Variants in IQCH observed in about 807,000 individuals in gnomAD.
The protein encoded by IQCH is IQ domain-containing protein H.
A neutral mutation model predicts 117.0 loss-of-function variants in IQCH; 98 were observed. The observed-to-expected ratio is 0.84, with a 90% CI of 0.71 to 0.99. The LOEUF (loss-of-function observed/expected upper bound fraction) is 0.99, where lower values mean the gene tolerates loss of function less well. IQCH is among the 50% of genes least tolerant of loss of function. The pLI, the probability that IQCH is intolerant of heterozygous loss-of-function variation, is 0.00. For synonymous variants in IQCH, 412 were observed against 448.2 expected, an observed-to-expected ratio of 0.92 and a Z score of 1.02; for missense variants, 1,102 against 1,243.8, an observed-to-expected ratio of 0.89 and a Z score of 1.72.
At chr15:67,312,691 A>G (rs1596157553) in intron 4 of IQCH, among the ~76,000 whole-genome samples, 2 of 152,280 alleles carry the variant, frequency 1.3e-5, no homozygotes, top group East Asian at 1.9e-4. Flanking sequence ...CGAAAGTGGT[A>G]ATGCTTGCAA....
At chr15:67,323,743 T>C (rs1968257347) in intron 4 of IQCH, among the ~76,000 whole-genome samples, 1 of 152,096 alleles carries the variant, frequency 6.6e-6, no homozygotes, top group African/African-American at 2.4e-5. Context: ...CTCCCAATTT[T>C]TTGTGCTATC....
intron 3 of IQCH, among the ~76,000 whole-genome samples, chr15:67,266,368 C>A (rs1275341426): frequency 6.6e-6 from 1 of 152,016 alleles, no homozygotes; most frequent in Non-Finnish European, 1.5e-5. Context: ...CTCAAGACAT[C>A]ATACTCCGCT....
At position 67,475,413 on chromosome 15, in the gene IQCH, G is replaced by A. The variant is rs2083179448; in HGVS notation, c.2677-283G>A. ...GGATCACTTAAGCCCAGGAGGCAGA[G>A]GTTGCAGTGAGCCCAGATTGTGCCA... On this transcript the variant is annotated intron_variant, in intron 17 of 20. Coordinates refer to ENST00000335894, the MANE Select transcript of IQCH (RefSeq NM_001031715.3). This position sits in a 1 kb window ranked among gnomAD's most constrained non-coding sequence, Gnocchi z 5.7. Among the ~76,000 whole-genome samples the A allele has an allele frequency of 6.6e-6, 1 of 152,198 alleles. No homozygotes were observed.
At chr15:67,400,608 C>A (rs1039358736) in intron 14 of IQCH, among the ~76,000 whole-genome samples, 1 of 150,358 alleles carries the variant, frequency 6.7e-6, no homozygotes, top group African/African-American at 2.5e-5. Flanking sequence ...CCTCAGCCTT[C>A]TGAGTAGTGG....
rs773286464 is a variant in IQCH at position 67,465,324 on chromosome 15, T to G, written c.2676+27T>G. 1.9e-6 allele frequency: 3 copies of G among 1,604,972 alleles called. No individual in the cohort carries two copies. The highest frequency in any genetic ancestry group is 2.5e-6 in the Non-Finnish European group (3 of 1,178,766). On this transcript the variant is annotated intron_variant, in intron 17 of 20. Transcript: ENST00000335894. The surrounding 1 kb of genome is among the most constrained non-coding windows in gnomAD (Gnocchi z 5.9). ...TAAGCAAGAGGTGCTTCCTGAAGGT[T>G]CTCGGTGTTCAGCAACACCCACTGC...
chr15:67,421,825 A>G (rs8039739), intron 16 of IQCH, among the ~76,000 whole-genome samples: 151,153 of 152,352 alleles, frequency 0.99, 74,990 homozygotes, highest in Middle Eastern at 1. Context: ...GAGGCCAGGC[A>G]CAGTGGCTTA....
intron 4 of IQCH, among the ~76,000 whole-genome samples, chr15:67,306,019 C>A (rs1005383916): frequency 1.3e-5 from 2 of 151,974 alleles, no homozygotes; most frequent in East Asian, 3.9e-4. Flanking sequence ...AAACTTGATG[C>A]CATAAAAATC....
intron 10 of IQCH, among the ~76,000 whole-genome samples, chr15:67,382,426 G>A (rs1001770854): frequency 1.3e-5 from 2 of 152,134 alleles, no homozygotes; most frequent in African/African-American, 4.8e-5. Flanking sequence ...AATTCCATTA[G>A]CAACTTTATT....
At chr15:67,273,323 G>A (rs1965982958) in intron 3 of IQCH, among the ~76,000 whole-genome samples, 2 of 152,126 alleles carry the variant, frequency 1.3e-5, no homozygotes, top group African/African-American at 2.4e-5. Context: ...GCCTGCCTCA[G>A]CCTCCCAAAG....
chr15:67,462,022 G>A (rs1285382852), intron 16 of IQCH, among the ~76,000 whole-genome samples: 1 of 151,934 alleles, frequency 6.6e-6, no homozygotes, highest in Non-Finnish European at 1.5e-5. Context: ...TAGAGTTGGG[G>A]TCTCGTTATG....
rs373090891 is a variant in IQCH at position 67,309,820 on chromosome 15, CT to C, written c.388-27154del. On this transcript the variant is annotated intron_variant, in intron 4 of 20. Transcript: ENST00000335894. ...GAGTAGATCAAAGTTTGGGTCCTAT[CT>C]GCTATTTTGCAGTTACTGAACCCTA... 6.8e-4 allele frequency among the ~76,000 whole-genome samples: 103 copies of C among 151,342 alleles called. 4 individuals are homozygous for C. In the East Asian group the frequency reaches 0.012, roughly 17 times the overall value.
chr15:67,448,471 A>G (rs544103441), intron 16 of IQCH, among the ~76,000 whole-genome samples: 714 of 145,498 alleles, frequency 4.9e-3, no homozygotes, highest in Middle Eastern at 0.038. Context: ...GAGAACATGC[A>G]GTGTTTGGTT....
chr15:67,293,349 G>T (rs8040514), intron 4 of IQCH, among the ~76,000 whole-genome samples: 68,837 of 151,870 alleles, frequency 0.45, 16,079 homozygotes, highest in Non-Finnish European at 0.52. Flanking sequence ...CTCACTATTC[G>T]TGGGGGATTG....
Position 67,365,448 on chromosome 15 carries a change from C to T in IQCH, c.753+5563C>T, listed in dbSNP as rs981337479. 1.7e-4 allele frequency among the ~76,000 whole-genome samples: 26 copies of T among 152,052 alleles called. No individual in the cohort carries two copies. The highest frequency in any genetic ancestry group is 5.6e-4 in the African/African-American group (23 of 41,384). ...CATACATTCATTCATTCAACTAATC[C>T]TTTTTGACCTTTACCGTGTGCCAGG... On this transcript the variant is annotated intron_variant, in intron 8 of 20. Transcript: ENST00000335894. This position sits in a 1 kb window ranked among gnomAD's most constrained non-coding sequence, Gnocchi z 4.4.
At chr15:67,468,082 G>C (rs901576526) in intron 17 of IQCH, among the ~76,000 whole-genome samples, 7 of 152,144 alleles carry the variant, frequency 4.6e-5, no homozygotes, top group Non-Finnish European at 7.4e-5. Context: ...GCGTGTTTTA[G>C]AAATGAAAAG....
chr15:67,272,952 T>G (rs1021387959), intron 3 of IQCH, among the ~76,000 whole-genome samples: 1 of 152,214 alleles, frequency 6.6e-6, no homozygotes, highest in Non-Finnish European at 1.5e-5. Flanking sequence ...CCATTTTTAT[T>G]GCTTGTTTTC....
chr15:67,259,167 T>G (rs1233243726), intron 1 of IQCH, among the ~76,000 whole-genome samples: 1 of 152,238 alleles, frequency 6.6e-6, no homozygotes, highest in African/African-American at 2.4e-5. Context: ...AAAGTACTTA[T>G]ATTTTTACTC....
intron 18 of IQCH, among the ~76,000 whole-genome samples, chr15:67,485,044 T>C (rs1473222380): frequency 6.6e-6 from 1 of 152,064 alleles, no homozygotes; most frequent in Non-Finnish European, 1.5e-5. Flanking sequence ...TTCAACATAA[T>C]CTATGAAAGC....
rs1249276341 is a variant in IQCH at position 67,443,326 on chromosome 15, A to C, written c.2505+21749A>C. Among the ~76,000 whole-genome samples the C allele has an allele frequency of 6.6e-6, 1 of 152,188 alleles. No homozygotes were observed. Among genetic ancestry groups the C allele is most frequent in the African/African-American group, 2.4e-5 (1 of 41,444 alleles). The stretch of plus-strand genomic sequence containing the variant: ...TTATTCTAAGTGAAGTAACTCAGGA[A>C]TGGAAAACCGGACATCGTATGTTCT... On this transcript the variant is annotated intron_variant, in intron 16 of 20. Transcript: ENST00000335894. This position sits in a 1 kb window ranked among gnomAD's most constrained non-coding sequence, Gnocchi z 5.0.
Sources: allele counts gnomAD v4.1 joint callset (sites outside exome capture counted in the v4.1 genomes callset), GRCh38; gene constraint gnomAD v4.1.1; non-coding constraint Gnocchi (gnomAD v3.1); transcripts MANE v1.5; gene names NCBI Gene and HGNC (gene_info 2026-07-23, HGNC 2026-07-21).